Variants in IRX2 observed in about 807,000 individuals in gnomAD.
IRX2 encodes iroquois-class homeodomain protein IRX-2.
Under a neutral mutation model 42.9 loss-of-function variants are expected in IRX2, and 26 were observed. The ratio of observed to expected loss-of-function variants is 0.61; its 90% confidence interval spans 0.44 to 0.84. The LOEUF (loss-of-function observed/expected upper bound fraction) is 0.84, where lower values mean the gene tolerates loss of function less well. IRX2 is among the 40% of genes least tolerant of loss of function. IRX2 has a pLI of 0.00. For synonymous variants in IRX2, 424 were observed against 353.9 expected, an observed-to-expected ratio of 1.20 and a Z score of -2.22; for missense variants, 782 against 713.9, an observed-to-expected ratio of 1.10 and a Z score of -1.09.
chr5:2,749,729 T>A lies in IRX2; in HGVS notation c.308A>T (p.Tyr103Phe), dbSNP rs1462954349. Residue 103 changes from tyrosine (Y) to phenylalanine (F), a missense_variant, in exon 2 of 4, where the codon TAC (tyrosine) becomes TTC (phenylalanine). By Grantham distance (22) the Tyr-to-Phe change is conservative. Coordinates refer to ENST00000302057, the MANE Select transcript of IRX2 (RefSeq NM_033267.5). ...GMTGAISYHP[Y>F]GSAAYPYQLN... is the part of the protein sequence containing the mutation. ...CTGGTACGGGTAGGCCGCGCTGCCGTACGGGTGGTAGCTGATGGCGCCGGT... is the reference window on the plus strand; with the variant it reads ...CTGGTACGGGTAGGCCGCGCTGCCGAACGGGTGGTAGCTGATGGCGCCGGT... 6.8e-6 allele frequency: 11 copies of A among 1,613,564 alleles called. No homozygotes were observed. Among genetic ancestry groups the A allele is most frequent in the Admixed American group, 1.7e-5 (1 of 59,976 alleles).
At chr5:2,744,161 C>T (rs1737608254), downstream of IRX2, among the ~76,000 whole-genome samples, 1 of 148,270 alleles carries the variant, frequency 6.7e-6, no homozygotes, top group African/African-American at 2.5e-5. Context: ...AAACAATCTT[C>T]CTCATTCCAA....
chr5:2,738,768 T>A, the IRX2 span, among the ~76,000 whole-genome samples: 1 of 151,862 alleles, frequency 6.6e-6, no homozygotes, highest in Non-Finnish European at 1.5e-5. Flanking sequence ...TCTCCCCACC[T>A]GCGGGAGGCC....
intron 2 of IRX2, 36 bp downstream of exon 2, chr5:2,749,346 C>G (rs767872202): frequency 6.5e-7 from 1 of 1,547,612 alleles, no homozygotes; most frequent in East Asian, 2.2e-5. Flanking sequence ...GGGAAGAAAG[C>G]GCCCCGAGAC....
chr5:2,736,815 C>G, the IRX2 span: 1 of 152,220 alleles, frequency 6.6e-6, no homozygotes, highest in Non-Finnish European at 1.5e-5. Context: ...ATCATTAAAT[C>G]TGGTCCTCTT....
At chr5:2,744,327 A>G (rs1737611917), downstream of IRX2, among the ~76,000 whole-genome samples, 1 of 152,164 alleles carries the variant, frequency 6.6e-6, no homozygotes, top group Admixed American at 6.5e-5. Context: ...TTTGTTAAAT[A>G]TTGTTAACTT....
chr5:2,742,518 A>G (rs1331466544), downstream of IRX2, among the ~76,000 whole-genome samples: 2 of 152,328 alleles, frequency 1.3e-5, no homozygotes, highest in South Asian at 2.1e-4. Flanking sequence ...ACGGTTGTGT[A>G]TTGTTCCCAA....
intron 1 of IRX2, 150 bp from the exon 2 acceptor site, chr5:2,749,937 A>T (rs1054624876): frequency 3.9e-6 from 3 of 778,098 alleles, no homozygotes; most frequent in African/African-American, 3.5e-5. Context: ...GAGCAGGAAA[A>T]ACGCAGTGTG....
At chr5:2,736,604 T>C in the IRX2 span, 1 of 152,380 alleles carries the variant, frequency 6.6e-6, no homozygotes, top group East Asian at 1.9e-4. Flanking sequence ...GAAGGATCAC[T>C]TTTTAATTTT....
At chr5:2,747,676 C>T (rs2111443453) in intron 3 of IRX2, 60 bp from the exon 4 acceptor site, 4 of 1,519,238 alleles carry the variant, frequency 2.6e-6, no homozygotes, top group Non-Finnish European at 3.6e-6. Context: ...CTGCGCAGAC[C>T]ACCGTGCACC....
chr5:2,747,581 C>A lies in IRX2; in HGVS notation c.1399G>T (p.Val467Phe). The change falls in exon 4 of 4, where the codon GTC becomes TTC. Residue 467 changes from valine to phenylalanine, a missense_variant. Val to Phe is a conservative substitution (Grantham distance 50). Transcript: ENST00000302057. ...SEGCTVVGGG[V>F]QPYL ...CGGCCCTTCTATAGGTAGGGCTGGA[C>A]GCCCCCGCCAACCACGGTGCAGCCC... is the stretch of plus-strand genomic sequence containing the variant. 2.5e-6 allele frequency: 4 copies of A among 1,614,024 alleles called. No individual in the cohort carries two copies. The highest frequency in any genetic ancestry group is 3.4e-6 in the Non-Finnish European group (4 of 1,179,928).
downstream of IRX2, among the ~76,000 whole-genome samples, chr5:2,744,116 GTGT>G (rs1737607170): frequency 7.8e-6 from 1 of 127,898 alleles, no homozygotes; most frequent in South Asian, 2.7e-4. Context: ...GTGTGTGTGT[GTGT>G]TGAAAGGGAA....
At position 2,749,693 on chromosome 5, in the gene IRX2, G is replaced by A. The variant is rs1438907209; in HGVS notation, c.344C>T (p.Pro115Leu). Residue 115 changes from proline (P) to leucine (L), a missense_variant, in exon 2 of 4, where the codon CCC becomes CTC. By Grantham distance (98) the Pro-to-Leu change is moderately conservative (BLOSUM62 -3). This residue lies in a region of IRX2 where 256 missense variants were observed against 250.0 expected (regional missense o/e 1.02). Coordinates refer to ENST00000302057, the MANE Select transcript of IRX2 (RefSeq NM_033267.5). ...CCGCGTGGCGTTCTTGCGGTACGCG[G>A]GGTCGTTGAGCTGGTACGGGTAGGC... The part of the protein sequence containing the change: ...SAAYPYQLND[P>L]AYRKNATRDA... 2 of 1,614,156 alleles carry A rather than the reference G, an allele frequency of 1.2e-6. No homozygotes were observed. Among genetic ancestry groups the A allele is most frequent in the Non-Finnish European group, 8.5e-7 (1 of 1,180,028 alleles).
chr5:2,748,411 T>G lies in IRX2; in HGVS notation c.1297A>C (p.Lys433Gln). The change falls in exon 3 of 4, where the codon AAG (lysine) becomes CAG (glutamine). Residue 433 changes from lysine (K) to glutamine (Q), a missense_variant. Coordinates refer to ENST00000302057, the MANE Select transcript of IRX2 (RefSeq NM_033267.5). ...TAPKAASDAG[K>Q]AGAHPLESHY... The stretch of plus-strand genomic sequence containing the variant: ...GACTCGAGCGGGTGCGCGCCCGCCT[T>G]GCCCGCGTCGCTGGCCGCCTTTGGC... 8 of 1,498,388 alleles carry G rather than the reference T, an allele frequency of 5.3e-6. No homozygotes were observed. The highest frequency in any genetic ancestry group is 7.1e-6 in the Non-Finnish European group (8 of 1,128,068). 92.8% of individuals were successfully genotyped at this position (1,498,388 alleles called of 1,614,324 possible).
At chr5:2,744,395 G>C (rs575475378), downstream of IRX2, among the ~76,000 whole-genome samples, 9 of 152,238 alleles carry the variant, frequency 5.9e-5, no homozygotes, top group East Asian at 1.5e-3. Flanking sequence ...ACATAGCAGA[G>C]ACATTGCTGC....
At chr5:2,750,543 G>C (rs2111452042) in intron 1 of IRX2, among the ~76,000 whole-genome samples, 1 of 152,352 alleles carries the variant, frequency 6.6e-6, no homozygotes, top group Middle Eastern at 3.4e-3. Context: ...TCGGGCCACG[G>C]AGGACTCAGG....
chr5:2,749,823 G>T, intron 1 of IRX2, 36 bp from the exon 2 acceptor site: 1 of 1,544,424 alleles, frequency 6.5e-7, no homozygotes, highest in East Asian at 2.3e-5. Flanking sequence ...GGAGTATGCG[G>T]AGACCCCGCG....
chr5:2,751,030 A>T lies in IRX2; in HGVS notation c.249+135T>A. The T allele has an allele frequency of 9.5e-7, 1 of 1,047,838 alleles. No individual in the cohort carries two copies. The highest frequency in any genetic ancestry group is 1.2e-6 in the Non-Finnish European group (1 of 839,212). 64.9% of individuals were successfully genotyped at this position (1,047,838 alleles called of 1,614,324 possible). On this transcript the variant is annotated intron_variant, in intron 1 of 3. Coordinates refer to ENST00000302057, the MANE Select transcript of IRX2 (RefSeq NM_033267.5). The surrounding 1 kb of genome is among the most constrained non-coding windows in gnomAD (Gnocchi z 4.0). ...GCTCAGCCTGCGGGGCGGCCAACCG[A>T]GCCGGCGACTCCTGAGTCGCCAGCC... is the stretch of plus-strand genomic sequence containing the variant.
chr5:2,748,704 A>G lies in IRX2; in HGVS notation c.1004T>C (p.Ile335Thr). 2.1e-6 allele frequency: 3 copies of G among 1,400,630 alleles called. No individual in the cohort carries two copies. The highest frequency in any genetic ancestry group is 2.8e-6 in the Non-Finnish European group (3 of 1,078,188). The allele number at this position is 1,400,630 out of a possible 1,614,324, so 86.8% of individuals were successfully genotyped here. ...SKPKLWSLAE[I>T]ATSDLKQPSL... is the part of the protein sequence containing the mutation. ...CGGCTGCTTGAGGTCCGACGTGGCGATCTCGGCCAGCGACCACAGCTTGGG... is the reference window on the plus strand; with the variant it reads ...CGGCTGCTTGAGGTCCGACGTGGCGGTCTCGGCCAGCGACCACAGCTTGGG... The change falls in exon 3 of 4, where the codon ATC becomes ACC. Residue 335 changes from isoleucine to threonine, a missense_variant. This residue lies in a region of IRX2 where 520 missense variants were observed against 437.8 expected (regional missense o/e 1.19). Transcript: ENST00000302057.
rs1258751950 is a variant in IRX2 at position 2,751,028 on chromosome 5, C to A, written c.249+137G>T. 4.8e-6 allele frequency: 5 copies of A among 1,043,612 alleles called. No homozygotes were observed. In the East Asian group the frequency reaches 1.6e-4, roughly 34 times the overall value. 64.6% of individuals were successfully genotyped at this position (1,043,612 alleles called of 1,614,324 possible). ...CGGCTCAGCCTGCGGGGCGGCCAACCGAGCCGGCGACTCCTGAGTCGCCAG... is the reference window on the plus strand; with the variant it reads ...CGGCTCAGCCTGCGGGGCGGCCAACAGAGCCGGCGACTCCTGAGTCGCCAG... On this transcript the variant is annotated intron_variant, in intron 1 of 3. Coordinates refer to ENST00000302057, the MANE Select transcript of IRX2 (RefSeq NM_033267.5). This position sits in a 1 kb window ranked among gnomAD's most constrained non-coding sequence, Gnocchi z 4.0.
Sources: gnomAD v4.1 joint callset for allele counts (sites outside exome capture counted in the v4.1 genomes callset) on GRCh38, gnomAD v4.1.1 for gene constraint, gnomAD v4.1.1 regional missense constraint, Gnocchi (gnomAD v3.1) non-coding constraint, MANE v1.5 for transcripts, NCBI Gene and HGNC (gene_info 2026-07-23, HGNC 2026-07-21) for gene names.